NXPE2: variants seen among roughly 807,000 people sequenced by gnomAD.
The protein encoded by NXPE2 is neurexophilin and PC-esterase domain family member 2.
In NXPE2, 34 loss-of-function variants were observed where a neutral mutation model predicts 34.4. That is an observed-to-expected ratio of 0.99 (90% CI 0.75 to 1.31). The LOEUF (loss-of-function observed/expected upper bound fraction) is 1.31. Ranked by LOEUF, NXPE2 falls within the 40% of genes most tolerant of loss-of-function variation. The pLI is 0.00. For missense variants in NXPE2, 649 were observed against 672.5 expected, an observed-to-expected ratio of 0.97 and a Z score of 0.39; for synonymous variants, 235 against 231.3, an observed-to-expected ratio of 1.02 and a Z score of -0.15.
chr11:114,787,224 G>A, the NXPE2 span, among the ~76,000 whole-genome samples: 2 of 152,072 alleles, frequency 1.3e-5, no homozygotes, highest in Non-Finnish European at 2.9e-5. Flanking sequence ...AAAAAAGCTC[G>A]GGAGCCTCCC....
the NXPE2 span, among the ~76,000 whole-genome samples, chr11:114,485,723 T>C: frequency 6.6e-6 from 1 of 152,068 alleles, no homozygotes; most frequent in Non-Finnish European, 1.5e-5. Context: ...AGTTTTTAGC[T>C]CCCACAAGTA....
At chr11:114,683,175 T>C (rs1047233786) in intron 2 of NXPE2, among the ~76,000 whole-genome samples, 1 of 152,078 alleles carries the variant, frequency 6.6e-6, no homozygotes, top group Non-Finnish European at 1.5e-5. Context: ...AAATAAATCC[T>C]CTTATTGTCA....
chr11:114,787,147 TGA>T, the NXPE2 span, among the ~76,000 whole-genome samples: 1 of 151,784 alleles, frequency 6.6e-6, no homozygotes, highest in Non-Finnish European at 1.5e-5. Context: ...TTTATCAAGT[TGA>T]GAGAGGACAC....
At chr11:114,720,198 A>G in the NXPE2 span, among the ~76,000 whole-genome samples, 1 of 152,158 alleles carries the variant, frequency 6.6e-6, no homozygotes, top group Non-Finnish European at 1.5e-5. Context: ...GTGCAAGTAG[A>G]ATGAATGGTT....
At chr11:114,740,063 A>G in the NXPE2 span, among the ~76,000 whole-genome samples, 1 of 152,208 alleles carries the variant, frequency 6.6e-6, no homozygotes, top group African/African-American at 2.4e-5. Flanking sequence ...TTTCCTGTAC[A>G]TAATTGCCTA....
At chr11:114,618,854 T>A in the NXPE2 span, among the ~76,000 whole-genome samples, 78 of 152,032 alleles carry the variant, frequency 5.1e-4, 1 homozygote, top group African/African-American at 1.8e-3. Context: ...TGGTACCCAG[T>A]GGATCCTAAG....
the NXPE2 span, chr11:114,530,565 A>T: frequency 6.2e-7 from 1 of 1,613,944 alleles, no homozygotes; most frequent in Non-Finnish European, 8.5e-7. Context: ...ACCTGCCGTC[A>T]GTGCTGGGGA....
the NXPE2 span, among the ~76,000 whole-genome samples, chr11:114,599,747 AACTC>A: frequency 6.6e-6 from 1 of 152,042 alleles, no homozygotes; most frequent in Admixed American, 6.6e-5. Context: ...ATCTTGTGAG[AACTC>A]ACTCACTATA....
the NXPE2 span, among the ~76,000 whole-genome samples, chr11:114,611,491 G>T: frequency 7.2e-5 from 11 of 151,952 alleles, no homozygotes; most frequent in Admixed American, 3.3e-4. Flanking sequence ...TTACCCTGTG[G>T]ATAATAAGTA....
the NXPE2 span, among the ~76,000 whole-genome samples, chr11:114,803,153 T>C: frequency 2.0e-5 from 3 of 152,212 alleles, no homozygotes; most frequent in Admixed American, 6.5e-5. Context: ...TTCTGTACAC[T>C]CAGTAATTGC....
At chr11:114,594,624 A>T in the NXPE2 span, 1 of 1,344,294 alleles carries the variant, frequency 7.4e-7, no homozygotes, top group South Asian at 1.2e-5. Context: ...AATAAGCAAA[A>T]ATAAGCTTCT....
At chr11:114,469,211 A>C in the NXPE2 span, among the ~76,000 whole-genome samples, 1 of 136,316 alleles carries the variant, frequency 7.3e-6, no homozygotes, top group Admixed American at 8.7e-5. Context: ...TCCTGGGTTC[A>C]TGTCATTCTC....
chr11:114,749,549 C>T, the NXPE2 span, among the ~76,000 whole-genome samples: 3 of 152,240 alleles, frequency 2.0e-5, no homozygotes, highest in Non-Finnish European at 4.4e-5. Flanking sequence ...GGAGGGCCAA[C>T]TGTACCTATA....
the NXPE2 span, among the ~76,000 whole-genome samples, chr11:114,514,429 G>A: frequency 1.3e-5 from 2 of 151,966 alleles, no homozygotes; most frequent in Non-Finnish European, 1.5e-5. Context: ...CCACTCTATT[G>A]CCCAGGCTGG....
the NXPE2 span, chr11:114,559,875 A>C: frequency 6.6e-6 from 1 of 152,016 alleles, no homozygotes; most frequent in Non-Finnish European, 1.5e-5. Context: ...GGCTGTGTAA[A>C]ATGTTTTTGT....
chr11:114,475,202 C>G, the NXPE2 span, among the ~76,000 whole-genome samples: 1 of 129,542 alleles, frequency 7.7e-6, no homozygotes, highest in Admixed American at 8.4e-5. Flanking sequence ...TGAAATGTCT[C>G]TGAGAATACA....
At chr11:114,598,949 C>T in the NXPE2 span, among the ~76,000 whole-genome samples, 1 of 152,198 alleles carries the variant, frequency 6.6e-6, no homozygotes, top group African/African-American at 2.4e-5. Flanking sequence ...ATTTCTGCAG[C>T]CTTCCTGAAT....
the NXPE2 span, among the ~76,000 whole-genome samples, chr11:114,475,846 C>T: frequency 6.6e-6 from 1 of 152,152 alleles, no homozygotes; most frequent in African/African-American, 2.4e-5. Flanking sequence ...GGATTTATTA[C>T]CGGGAGAGAA....
At chr11:114,630,121 T>C in the NXPE2 span, among the ~76,000 whole-genome samples, 6 of 151,760 alleles carry the variant, frequency 4.0e-5, no homozygotes, top group African/African-American at 9.7e-5. Flanking sequence ...GATTCAATGC[T>C]GTACCCATCA....
Sources: allele counts gnomAD v4.1 joint callset (sites outside exome capture counted in the v4.1 genomes callset), GRCh38; gene constraint gnomAD v4.1.1; transcripts MANE v1.5; gene names NCBI Gene and HGNC (gene_info 2026-07-23, HGNC 2026-07-21).